TRPC5: variants seen among roughly 807,000 people sequenced by gnomAD.
TRPC5 encodes the protein short transient receptor potential channel 5.
A neutral mutation model predicts 56.5 loss-of-function variants in TRPC5; 9 were observed. The observed-to-expected ratio is 0.16, with a 90% CI of 0.10 to 0.28. The LOEUF is 0.28. TRPC5 is among the 10% of genes least tolerant of loss of function. The pLI is 1.00. For synonymous variants in TRPC5, 282 were observed against 278.5 expected (o/e 1.01, Z -0.13); for missense variants, 469 against 748.9 (o/e 0.63, Z 4.36).
rs373924535 is a variant in TRPC5, at chrX:112,014,116, T to G, written c.-21-61675A>C. 3.5e-4 allele frequency among the ~76,000 whole-genome samples: 39 copies of G among 111,739 alleles called. No homozygotes were observed. In the East Asian group the frequency reaches 5.4e-3, roughly 15 times the overall value. ...TGGGATGGGGATGGGGAATTTGCAT[T>G]TCTAACAAGTTCCCAGGTGCTGCTG... On this transcript the variant is annotated intron_variant, in intron 1 of 10. Transcript: ENST00000262839.
intron 1 of TRPC5, among the ~76,000 whole-genome samples, chrX:112,071,303 G>A (rs1417963199): frequency 9.8e-6 from 1 of 101,732 alleles, no homozygotes. Context: ...TTGAGACCCT[G>A]TCTCAAAAAT....
chrX:111,890,400 G>A (rs1271904431), intron 3 of TRPC5, among the ~76,000 whole-genome samples: 1 of 111,874 alleles, frequency 8.9e-6, no homozygotes, highest in Non-Finnish European at 1.9e-5. Context: ...AATTCTTCCA[G>A]TGTGGCCCTG....
At chrX:111,914,437 A>G (rs1034287861) in intron 2 of TRPC5, among the ~76,000 whole-genome samples, 8 of 112,159 alleles carry the variant, frequency 7.1e-5, no homozygotes, top group African/African-American at 2.6e-4. Context: ...GGGATGAGTT[A>G]ACTGTTTTTC....
intron 1 of TRPC5, among the ~76,000 whole-genome samples, chrX:112,030,435 G>C (rs897027427): frequency 1.3e-4 from 15 of 112,271 alleles, no homozygotes; most frequent in Non-Finnish European, 2.4e-4. Context: ...AATCGCTATA[G>C]CATTCCGAAT....
rs1005668432 is a variant in TRPC5 at position 112,024,178 on chromosome X, T to C, written c.-22+57701A>G. On this transcript the variant is annotated intron_variant, in intron 1 of 10. Coordinates refer to ENST00000262839, the MANE Select transcript of TRPC5 (RefSeq NM_012471.3). ...CCTCATCTTGACTGTGATGGTTAAT[T>C]TTATCTGTCAACTTGACTGGGCCAT... Among the ~76,000 whole-genome samples the C allele has an allele frequency of 6.3e-5, 7 of 111,967 alleles. No homozygotes were observed. In the South Asian group the frequency reaches 2.3e-3, roughly 36 times the overall value.
intron 3 of TRPC5, among the ~76,000 whole-genome samples, chrX:111,870,718 T>C (rs1199219297): frequency 9.0e-6 from 1 of 111,590 alleles, no homozygotes; most frequent in African/African-American, 3.3e-5. Flanking sequence ...ATATCTCCCC[T>C]GCCAGGTGAG....
At position 111,895,741 on chromosome X, in the gene TRPC5, G is replaced by A. The variant is rs762658817; in HGVS notation, c.900+16550C>T. ...TTGTCTGTCCTTGAGCCAGTACTAC[G>A]CTGTCTTAATTTCTCTAGCTCTGTA... On this transcript the variant is annotated intron_variant, in intron 3 of 10. Coordinates refer to ENST00000262839, the MANE Select transcript of TRPC5 (RefSeq NM_012471.3). Among the ~76,000 whole-genome samples, 27 of 111,201 alleles carry A rather than the reference G, an allele frequency of 2.4e-4. No homozygotes were observed. In the Middle Eastern group the frequency reaches 0.014, roughly 57 times the overall value.
intron 3 of TRPC5, among the ~76,000 whole-genome samples, chrX:111,899,229 G>A (rs764407811): frequency 1.8e-5 from 2 of 110,408 alleles, no homozygotes; most frequent in East Asian, 2.8e-4. Context: ...TGAGTCCCCC[G>A]CCCCACAAAA....
intron 7 of TRPC5, among the ~76,000 whole-genome samples, chrX:111,786,483 G>A (rs1001262365): frequency 1.7e-4 from 19 of 111,460 alleles, no homozygotes; most frequent in Admixed American, 1.1e-3. Context: ...AAAGACCATC[G>A]ATGCTATGAA....
intron 2 of TRPC5, among the ~76,000 whole-genome samples, chrX:111,936,963 A>T (rs1351889373): frequency 1.9e-5 from 2 of 105,114 alleles, no homozygotes; most frequent in African/African-American, 7.4e-5. Context: ...TCCCACCAAC[A>T]GTGTAAAATG....
chrX:112,023,381 C>T (rs1431661245), intron 1 of TRPC5, among the ~76,000 whole-genome samples: 2 of 106,152 alleles, frequency 1.9e-5, no homozygotes, highest in Non-Finnish European at 3.8e-5. Flanking sequence ...CAACCTCCAG[C>T]CTCTTGTGGG....
intron 3 of TRPC5, among the ~76,000 whole-genome samples, chrX:111,875,572 C>CTT (rs771241425): frequency 0.038 from 2,678 of 70,399 alleles, 176 homozygotes; most frequent in African/African-American, 0.15. Context: ...TTTTTTCTTT[C>CTT]TTTTTTTTTT....
At chrX:111,912,836 T>C (rs41312568) in intron 2 of TRPC5, 24 bp from the exon 3 acceptor site, 2 of 1,175,473 alleles carry the variant, frequency 1.7e-6, no homozygotes, top group Admixed American at 2.2e-5. Flanking sequence ...ATGAGAAGAA[T>C]AGAAGGGCAG....
chrX:111,850,813 C>T lies in TRPC5; in HGVS notation c.1377+1485G>A, dbSNP rs1014824388. Among the ~76,000 whole-genome samples the T allele has an allele frequency of 2.7e-5, 3 of 112,067 alleles. No individual in the cohort carries two copies. In the East Asian group the frequency reaches 8.3e-4, roughly 31 times the overall value. ...AGCTAATGTTGAGAATCTACAGATACGTTTTTCACATCCCCAAATGTTAAT... is the reference window on the plus strand; with the variant it reads ...AGCTAATGTTGAGAATCTACAGATATGTTTTTCACATCCCCAAATGTTAAT... On this transcript the variant is annotated intron_variant, in intron 5 of 10. Transcript: ENST00000262839.
intron 7 of TRPC5, among the ~76,000 whole-genome samples, chrX:111,830,911 C>G (rs1922387478): frequency 8.9e-6 from 1 of 112,503 alleles, no homozygotes; most frequent in African/African-American, 3.2e-5. Flanking sequence ...GATAATCTCT[C>G]TGAATACTAA....
At chrX:111,950,077 C>A (rs1355196951) in intron 2 of TRPC5, among the ~76,000 whole-genome samples, 1 of 111,603 alleles carries the variant, frequency 9.0e-6, no homozygotes, top group Non-Finnish European at 1.9e-5. Flanking sequence ...GTAATCCCAG[C>A]ACTTTGGGAG....
chrX:111,829,004 G>T (rs1922320885), intron 7 of TRPC5, among the ~76,000 whole-genome samples: 1 of 111,802 alleles, frequency 8.9e-6, no homozygotes, highest in Non-Finnish European at 1.9e-5. Context: ...TCAGTAGGAA[G>T]CAGAGCATAA....
intron 1 of TRPC5, among the ~76,000 whole-genome samples, chrX:112,075,128 C>T (rs758585373): frequency 8.9e-6 from 1 of 112,526 alleles, no homozygotes; most frequent in African/African-American, 3.2e-5. Context: ...AAAAAAATTT[C>T]TGGTGATGAC....
intron 1 of TRPC5, among the ~76,000 whole-genome samples, chrX:112,019,865 G>A (rs181683508): frequency 1.8e-5 from 2 of 111,463 alleles, no homozygotes; most frequent in African/African-American, 6.5e-5. Context: ...GGAAGGGCTG[G>A]AAAATGGAGC....
Sources: allele counts gnomAD v4.1 joint callset (sites outside exome capture counted in the v4.1 genomes callset), GRCh38; gene constraint gnomAD v4.1.1; transcripts MANE v1.5; gene names NCBI Gene and HGNC (gene_info 2026-07-23, HGNC 2026-07-21).